OSBPL10: variants seen among roughly 807,000 people sequenced by gnomAD.
OSBPL10 encodes the protein oxysterol-binding protein-related protein 10.
Under a neutral mutation model 81.7 loss-of-function variants are expected in OSBPL10, and 49 were observed. The ratio of observed to expected loss-of-function variants is 0.60; its 90% CI spans 0.48 to 0.76. The LOEUF is 0.76. OSBPL10 is among the 30% of genes least tolerant of loss of function. The probability of loss-of-function intolerance (pLI) is 0.00; values close to 1 mark genes in which losing one functional copy is unlikely to be tolerated. For synonymous variants in OSBPL10, 419 were observed against 383.6 expected (o/e 1.09, Z -1.08); for missense variants, 923 against 987.8 (o/e 0.93, Z 0.88).
rs182480238 is a variant in OSBPL10 at position 31,916,463 on chromosome 3, T to C, written c.282-36633A>G. Among the ~76,000 whole-genome samples, 30 of 152,298 alleles carry C rather than the reference T, an allele frequency of 2.0e-4. 2 individuals are homozygous for C. The highest frequency in any genetic ancestry group is 7.2e-4 in the African/African-American group (30 of 41,554). On this transcript the variant is annotated intron_variant, in intron 1 of 11. Transcript: ENST00000396556. The stretch of plus-strand genomic sequence containing the variant: ...GTAACAACAGGTTGGTTATAAGCAT[T>C]ATGATGCCTTTGTTCTCATGAGCAG...
intron 4 of OSBPL10, among the ~76,000 whole-genome samples, chr3:31,790,658 G>A (rs531982318): frequency 8.5e-5 from 13 of 152,218 alleles, no homozygotes; most frequent in East Asian, 7.7e-4. Context: ...GAAGTTTCTC[G>A]GAACTGGAGC....
At chr3:31,702,536 C>T (rs749896150) in intron 6 of OSBPL10, 28 bp from the exon 7 acceptor site, 3 of 1,613,468 alleles carry the variant, frequency 1.9e-6, no homozygotes, top group African/African-American at 2.7e-5. Flanking sequence ...ATAAAAATCA[C>T]CAGCTGGCCC....
chr3:31,894,394 G>A (rs1029942211), intron 1 of OSBPL10, among the ~76,000 whole-genome samples: 1 of 152,190 alleles, frequency 6.6e-6, no homozygotes, highest in African/African-American at 2.4e-5. Flanking sequence ...ACAAGGCAGA[G>A]AGGAAAACCA....
intron 1 of OSBPL10, among the ~76,000 whole-genome samples, chr3:31,892,528 CA>C (rs1222486797): frequency 6.6e-6 from 1 of 151,962 alleles, no homozygotes; most frequent in Non-Finnish European, 1.5e-5. Flanking sequence ...ATTCTCTCCC[CA>C]AAAAAGTCAA....
chr3:31,770,735 A>T (rs141851786), intron 4 of OSBPL10, among the ~76,000 whole-genome samples: 344 of 152,224 alleles, frequency 2.3e-3, no homozygotes, highest in African/African-American at 7.7e-3. Flanking sequence ...GCGGTGAACC[A>T]AGATCGCGTC....
chr3:31,848,274 C>A (rs1173093634), intron 3 of OSBPL10, among the ~76,000 whole-genome samples: 1 of 151,608 alleles, frequency 6.6e-6, no homozygotes, highest in Non-Finnish European at 1.5e-5. Context: ...CACGTTTTAC[C>A]TTCTCTTCTG....
chr3:31,697,067 C>G (rs181039617), intron 7 of OSBPL10, among the ~76,000 whole-genome samples: 15 of 152,338 alleles, frequency 9.8e-5, no homozygotes, highest in Non-Finnish European at 1.3e-4. Flanking sequence ...CTCCTTCAAT[C>G]TGGCCTGAAT....
At position 31,808,917 on chromosome 3, in the gene OSBPL10, G is replaced by A. The variant is rs575162447; in HGVS notation, c.729+21123C>T. ...ACACATGCAATAATATTTATCAAAG[G>A]AATCAATTAATACCTCTTCTGGACT... is the stretch of plus-strand genomic sequence containing the variant. On this transcript the variant is annotated intron_variant, in intron 4 of 11. Transcript: ENST00000396556. 9.9e-5 allele frequency among the ~76,000 whole-genome samples: 15 copies of A among 152,234 alleles called. No homozygotes were observed. In the South Asian group the frequency reaches 2.9e-3, roughly 29 times the overall value.
rs1231906495 is a variant in OSBPL10, at chr3:31,928,705, G to C, written c.282-48875C>G. On this transcript the variant is annotated intron_variant, in intron 1 of 11. Transcript: ENST00000396556. The stretch of plus-strand genomic sequence containing the variant: ...TGAGACAGGAGAATCATTTGAACCT[G>C]GGAGACAGAGGTTGCCGCCACTGCA... 4.0e-5 allele frequency among the ~76,000 whole-genome samples: 6 copies of C among 149,242 alleles called. No individual in the cohort carries two copies. In the Admixed American group the frequency reaches 4.0e-4, roughly 10 times the overall value.
At chr3:31,709,266 C>G (rs542161406) in intron 6 of OSBPL10, 1 of 153,532 alleles carries the variant, frequency 6.5e-6, no homozygotes, top group Admixed American at 6.5e-5. Flanking sequence ...ACCACACATA[C>G]ACACACATTT....
At chr3:31,727,790 C>A (rs940542562) in intron 6 of OSBPL10, among the ~76,000 whole-genome samples, 2 of 152,074 alleles carry the variant, frequency 1.3e-5, no homozygotes, top group Admixed American at 1.3e-4. Flanking sequence ...CGGATACATC[C>A]CCAACCAACA....
chr3:31,772,035 AT>A (rs371145925), intron 4 of OSBPL10, among the ~76,000 whole-genome samples: 13 of 152,216 alleles, frequency 8.5e-5, no homozygotes, highest in Non-Finnish European at 1.0e-4. Flanking sequence ...TGCCTAGCAG[AT>A]TTTTTTTAAG....
rs781723958 is a variant in OSBPL10 at position 31,851,596 on chromosome 3, C to T, written c.538-21365G>A. 4.6e-5 allele frequency among the ~76,000 whole-genome samples: 7 copies of T among 152,362 alleles called. No individual in the cohort carries two copies. The South Asian group carries it at 1.4e-3, about 32-fold the overall frequency. On this transcript the variant is annotated intron_variant, in intron 3 of 11. Transcript: ENST00000396556. ...CTCACACGAGCTGTCAAACTTCAGGCTCAAGAGAACATTCTCCTCAATCTC... is the reference window on the plus strand; with the variant it reads ...CTCACACGAGCTGTCAAACTTCAGGTTCAAGAGAACATTCTCCTCAATCTC...
intron 1 of OSBPL10, among the ~76,000 whole-genome samples, chr3:32,068,912 G>A (rs758855422): frequency 4.6e-5 from 7 of 151,626 alleles, no homozygotes; most frequent in South Asian, 2.1e-4. Context: ...GTCGCTCCCC[G>A]TCAGGCTGAA....
intron 2 of OSBPL10, among the ~76,000 whole-genome samples, chr3:32,031,142 C>T (rs906847172): frequency 6.7e-6 from 1 of 148,756 alleles, no homozygotes; most frequent in Non-Finnish European, 1.5e-5. Flanking sequence ...CTAGCCTGGG[C>T]GACCAAGAGA....
chr3:31,988,584 T>C (rs536196552), intron 2 of OSBPL10: 1 of 166,942 alleles, frequency 6.0e-6, no homozygotes, highest in Non-Finnish European at 1.3e-5. Flanking sequence ...GATCAGCTTA[T>C]AAACAGGGGA....
chr3:31,865,107 C>A (rs955833725), intron 3 of OSBPL10, among the ~76,000 whole-genome samples: 4 of 152,122 alleles, frequency 2.6e-5, no homozygotes, highest in African/African-American at 9.7e-5. Flanking sequence ...GGTGAGGGAG[C>A]CCCATTAAAC....
intron 1 of OSBPL10, among the ~76,000 whole-genome samples, chr3:31,929,181 A>G (rs1697165175): frequency 6.6e-6 from 1 of 152,144 alleles, no homozygotes; most frequent in African/African-American, 2.4e-5. Flanking sequence ...TTCTTAGAAG[A>G]AAAAAAAGAT....
intron 3 of OSBPL10, among the ~76,000 whole-genome samples, chr3:31,849,019 G>A (rs1368761651): frequency 1.3e-5 from 2 of 152,194 alleles, no homozygotes; most frequent in Admixed American, 6.5e-5. Context: ...CATTTGCTCT[G>A]ACCAAGAGAC....
Sources: allele counts gnomAD v4.1 joint callset (sites outside exome capture counted in the v4.1 genomes callset), GRCh38; gene constraint gnomAD v4.1.1; transcripts MANE v1.5; gene names NCBI Gene and HGNC (gene_info 2026-07-23, HGNC 2026-07-21).